NRXN1: variants seen among roughly 807,000 people sequenced by gnomAD.
NRXN1 encodes the protein neurexin-1.
NRXN1 carries 39 observed loss-of-function variants against 150.9 expected under a neutral mutation model. The ratio of observed to expected loss-of-function variants is 0.26; its 90% CI spans 0.20 to 0.34. NRXN1 has a LOEUF of 0.34. NRXN1 is among the 10% of genes least tolerant of loss of function. The pLI, the probability that NRXN1 is intolerant of heterozygous loss-of-function variation, is 1.00. For synonymous variants in NRXN1, 924 were observed against 757.0 expected, an observed-to-expected ratio of 1.22 and a Z score of -3.62; for missense variants, 1,815 against 1,949.9, an observed-to-expected ratio of 0.93 and a Z score of 1.30.
intron 19 of NRXN1, among the ~76,000 whole-genome samples, chr2:50,070,975 T>C (rs1563022): frequency 0.6 from 90,805 of 151,994 alleles, 27,521 homozygotes; most frequent in Middle Eastern, 0.68. Flanking sequence ...TTATTTCTAG[T>C]GATCTCTAAA....
chr2:50,856,870 G>C (rs747554447), intron 5 of NRXN1, among the ~76,000 whole-genome samples: 1 of 151,996 alleles, frequency 6.6e-6, no homozygotes, highest in Non-Finnish European at 1.5e-5. Context: ...GATTAGTTTA[G>C]ATATAAATGA....
Position 50,884,562 on chromosome 2 carries a change from T to C in NRXN1, c.832+37307A>G, listed in dbSNP as rs545740253. Among the ~76,000 whole-genome samples, 4 of 151,858 alleles carry C rather than the reference T, an allele frequency of 2.6e-5. No homozygotes were observed. The South Asian group carries it at 8.3e-4, about 32-fold the overall frequency. ...TACTAGAGATCATGTATTCATGTTTTGCGGCCCCAGTATCCAGCATTGTAG... is the reference window on the plus strand; with the variant it reads ...TACTAGAGATCATGTATTCATGTTTCGCGGCCCCAGTATCCAGCATTGTAG... On this transcript the variant is annotated intron_variant, in intron 5 of 22. Coordinates refer to ENST00000401669, the MANE Select transcript of NRXN1 (RefSeq NM_001330078.2).
intron 2 of NRXN1, among the ~76,000 whole-genome samples, chr2:51,003,308 T>C (rs911156190): frequency 8.6e-5 from 13 of 151,990 alleles, no homozygotes; most frequent in Admixed American, 7.9e-4. Context: ...TTATTTACCC[T>C]GTAGCATAAT....
intron 18 of NRXN1, among the ~76,000 whole-genome samples, chr2:50,220,122 A>T (rs566564127): frequency 6.7e-6 from 1 of 148,542 alleles, no homozygotes; most frequent in East Asian, 2.0e-4. Flanking sequence ...GAGTCACACT[A>T]ACACAAAGCA....
intron 9 of NRXN1, among the ~76,000 whole-genome samples, chr2:50,546,401 T>G (rs1558915131): frequency 6.6e-6 from 1 of 152,170 alleles, no homozygotes; most frequent in Non-Finnish European, 1.5e-5. Flanking sequence ...CCCAGGGGCC[T>G]AGCTCAGGTA....
At chr2:50,158,064 AGTGTGTGTGTGTGTGTGTGTGTGTGT>A (rs71401060) in intron 18 of NRXN1, among the ~76,000 whole-genome samples, 19 of 134,002 alleles carry the variant, frequency 1.4e-4, no homozygotes, top group African/African-American at 5.3e-4. Context: ...TAAGAAGTTG[AGTGTGTGTGTGTGTGTGTGTGTGTGT>A]GTGTGTGTGT....
intron 21 of NRXN1, among the ~76,000 whole-genome samples, chr2:49,982,747 T>A (rs969527512): frequency 6.6e-6 from 1 of 152,186 alleles, no homozygotes; most frequent in Non-Finnish European, 1.5e-5. Context: ...CTGTGTTTTT[T>A]AGATAATGGA....
Position 50,321,312 on chromosome 2 carries a change from A to T in NRXN1, c.3365-84342T>A, listed in dbSNP as rs142146657. Among the ~76,000 whole-genome samples, 646 of 152,270 alleles carry T rather than the reference A, an allele frequency of 4.2e-3. 2 individuals are homozygous for T. The highest frequency in any genetic ancestry group is 0.015 in the African/African-American group (626 of 41,558). On this transcript the variant is annotated intron_variant, in intron 17 of 22. Transcript: ENST00000401669. ...GTCCAACACATTGTCTGTATTCCTA[A>T]ATCTAAGAAATCATAGAACTAACAG...
chr2:50,981,457 CAAAAAAA>C (rs70958635), intron 2 of NRXN1, among the ~76,000 whole-genome samples: 68 of 23,266 alleles, frequency 2.9e-3, no homozygotes, highest in South Asian at 6.1e-3. Flanking sequence ...AACTCTATCT[CAAAAAAA>C]AAAAAAAAAA....
At chr2:50,679,186 T>C (rs985717404) in intron 5 of NRXN1, among the ~76,000 whole-genome samples, 2 of 151,826 alleles carry the variant, frequency 1.3e-5, no homozygotes, top group African/African-American at 4.8e-5. Flanking sequence ...AGTAATGGGG[T>C]AGATACTAAA....
chr2:50,925,806 G>A (rs1306797490), intron 3 of NRXN1, 132 bp downstream of exon 3: 4 of 715,258 alleles, frequency 5.6e-6, no homozygotes, highest in Non-Finnish European at 9.9e-6. Flanking sequence ...TATGAAAAGT[G>A]ATACACAATC....
At chr2:50,656,329 T>C (rs760582088) in intron 5 of NRXN1, 3 of 761,580 alleles carry the variant, frequency 3.9e-6, no homozygotes, top group South Asian at 2.8e-5. Context: ...GTAACACTTA[T>C]AATTCTATAC....
intron 5 of NRXN1, among the ~76,000 whole-genome samples, chr2:50,728,452 C>T (rs1015965098): frequency 3.3e-5 from 5 of 152,096 alleles, no homozygotes; most frequent in Admixed American, 1.3e-4. Flanking sequence ...AAACCATCAA[C>T]CATGTCTATG....
intron 5 of NRXN1, among the ~76,000 whole-genome samples, chr2:50,845,442 C>A (rs1258447365): frequency 6.6e-6 from 1 of 152,198 alleles, no homozygotes; most frequent in African/African-American, 2.4e-5. Flanking sequence ...AGGGAACCAT[C>A]CCTGACCACA....
chr2:50,827,203 G>T (rs569983037), intron 5 of NRXN1, among the ~76,000 whole-genome samples: 6 of 152,276 alleles, frequency 3.9e-5, no homozygotes, highest in Non-Finnish European at 7.4e-5. Flanking sequence ...AGGTCGATGC[G>T]TATGATACAA....
intron 21 of NRXN1, among the ~76,000 whole-genome samples, chr2:50,001,045 G>C (rs1263692524): frequency 6.6e-6 from 1 of 152,228 alleles, no homozygotes; most frequent in African/African-American, 2.4e-5. Context: ...TGCTCAAAAG[G>C]AAAGAGAGAA....
intron 18 of NRXN1, among the ~76,000 whole-genome samples, chr2:50,124,187 A>T (rs1425215536): frequency 6.6e-6 from 1 of 152,142 alleles, no homozygotes; most frequent in Non-Finnish European, 1.5e-5. Context: ...GGGAATGATC[A>T]ACGATATAAA....
At chr2:50,815,017 T>A (rs1574570449) in intron 5 of NRXN1, among the ~76,000 whole-genome samples, 1 of 152,072 alleles carries the variant, frequency 6.6e-6, no homozygotes, top group African/African-American at 2.4e-5. Context: ...AGAAAATGTA[T>A]AAGGCAGAAT....
At chr2:50,632,804 G>A (rs1682571226) in intron 5 of NRXN1, 1 of 152,006 alleles carries the variant, frequency 6.6e-6, no homozygotes, top group Admixed American at 6.6e-5. Flanking sequence ...GAAATAAAAA[G>A]CCCGGGGCTG....
Sources: allele counts gnomAD v4.1 joint callset (sites outside exome capture counted in the v4.1 genomes callset), GRCh38; gene constraint gnomAD v4.1.1; transcripts MANE v1.5; gene names NCBI Gene and HGNC (gene_info 2026-07-23, HGNC 2026-07-21).